UST: variants seen among roughly 807,000 people sequenced by gnomAD.
UST encodes the protein chondroitin sulfate 2-O-sulfotransferase.
UST carries 21 observed loss-of-function variants against 45.6 expected under a neutral mutation model. That is an observed-to-expected ratio of 0.46 (90% CI 0.33 to 0.66). The LOEUF (loss-of-function observed/expected upper bound fraction) is 0.66. UST is among the 30% of genes least tolerant of loss of function. The pLI is 0.02. For synonymous variants in UST, 215 were observed against 200.6 expected, an observed-to-expected ratio of 1.07 and a Z score of -0.61; for missense variants, 463 against 512.4, an observed-to-expected ratio of 0.90 and a Z score of 0.93.
chr6:149,006,846 ACTGAT>A (rs763157085), intron 5 of UST, among the ~76,000 whole-genome samples: 2 of 152,118 alleles, frequency 1.3e-5, no homozygotes, highest in Non-Finnish European at 2.9e-5. Context: ...TAAATATTGA[ACTGAT>A]CTTCCATTTT....
chr6:148,818,980 T>C (rs949840123), intron 1 of UST, among the ~76,000 whole-genome samples: 8 of 152,150 alleles, frequency 5.3e-5, no homozygotes, highest in African/African-American at 1.9e-4. Flanking sequence ...TGGGTTCTTA[T>C]GTAATGTAAG....
chr6:149,029,632 G>T (rs1185384766), intron 7 of UST, among the ~76,000 whole-genome samples: 1 of 151,508 alleles, frequency 6.6e-6, no homozygotes, highest in East Asian at 1.9e-4. Flanking sequence ...CTTCTGTGCT[G>T]CAGCAAAACT....
rs370525461 is a variant in UST, at chr6:148,747,554, C to A, written c.124C>A (p.Arg42Ser). 5 of 1,570,572 alleles carry A rather than the reference C, an allele frequency of 3.2e-6. No individual in the cohort carries two copies. Among genetic ancestry groups the A allele is most frequent in the Non-Finnish European group, 3.4e-6 (4 of 1,160,046 alleles). ...KRRVPLLPFL[R>S]FSLRDYGFCM... ...TCGGGTGCCCCTGCTGCCTTTCCTG[C>A]GCTTCTCCCTCCGGGACTACGGCTT... Residue 42 changes from arginine to serine, a missense_variant, in exon 1 of 8, where the codon CGC (arginine) becomes AGC (serine). This residue lies in a region of UST where 176 missense variants were observed against 138.3 expected (regional missense o/e 1.27). Transcript: ENST00000367463.
At chr6:148,987,948 T>A (rs984764198) in intron 5 of UST, among the ~76,000 whole-genome samples, 1 of 152,032 alleles carries the variant, frequency 6.6e-6, no homozygotes, top group Non-Finnish European at 1.5e-5. Flanking sequence ...GAATATGGAC[T>A]ATGCTCTCGA....
intron 7 of UST, among the ~76,000 whole-genome samples, chr6:149,073,422 T>C (rs1776845076): frequency 6.6e-6 from 1 of 152,258 alleles, no homozygotes; most frequent in African/African-American, 2.4e-5. Context: ...ATTTTAAAAC[T>C]TACAAAACAA....
At chr6:148,865,931 C>T (rs957385889) in intron 1 of UST, among the ~76,000 whole-genome samples, 3 of 151,862 alleles carry the variant, frequency 2.0e-5, no homozygotes, top group Non-Finnish European at 4.4e-5. Context: ...AAGCATGCTT[C>T]GTTAGACAAT....
At chr6:149,067,297 T>C (rs146582240) in intron 7 of UST, among the ~76,000 whole-genome samples, 1 of 152,306 alleles carries the variant, frequency 6.6e-6, no homozygotes, top group African/African-American at 2.4e-5. Context: ...TTTGTTCCTC[T>C]TTGGCAGGTC....
rs571269276 is a variant in UST, at chr6:148,938,267, G to A, written c.292-3012G>A. Reference sequence around the variant, plus strand: ...TTCAGTGTCTGTTTAGGCTCTTTATGTACAAAGCACATTCTAGGCACTGTG... The same window carrying A: ...TTCAGTGTCTGTTTAGGCTCTTTATATACAAAGCACATTCTAGGCACTGTG... On this transcript the variant is annotated intron_variant, in intron 2 of 7. Coordinates refer to ENST00000367463, the MANE Select transcript of UST (RefSeq NM_005715.3). Among the ~76,000 whole-genome samples, 7 of 152,216 alleles carry A rather than the reference G, an allele frequency of 4.6e-5. No homozygotes were observed. The East Asian group carries it at 1.2e-3, about 25-fold the overall frequency.
chr6:148,908,417 C>G (rs773243472), intron 2 of UST, among the ~76,000 whole-genome samples: 1 of 152,122 alleles, frequency 6.6e-6, no homozygotes, highest in Non-Finnish European at 1.5e-5. Context: ...AGTACATTAG[C>G]GAAGTCACCA....
chr6:148,872,071 A>G (rs181703306), intron 1 of UST, among the ~76,000 whole-genome samples: 101 of 152,290 alleles, frequency 6.6e-4, no homozygotes, highest in African/African-American at 2.2e-3. Flanking sequence ...ATGCACGTGC[A>G]TGTCGCGGGT....
chr6:149,076,929 T>C lies in UST; in HGVS notation c.*2813T>C, dbSNP rs531572711. On this transcript the variant is annotated 3_prime_UTR_variant, in exon 8 of 8. Transcript: ENST00000367463. ...AAATGGTGTTTGACGTTGATGGAAA[T>C]TCAAAAATATATATGGAACTGAAAC... is the stretch of plus-strand genomic sequence containing the variant. 1.1e-4 allele frequency: 17 copies of C among 152,456 alleles called. 1 individual carries two copies. Among genetic ancestry groups the C allele is most frequent in the African/African-American group, 4.1e-4 (17 of 41,502 alleles). The allele number at this position is 152,456 out of a possible 1,614,324, so 9.4% of individuals were successfully genotyped here.
intron 1 of UST, among the ~76,000 whole-genome samples, chr6:148,752,150 C>CA (rs1562556549): frequency 1.3e-5 from 2 of 152,006 alleles, no homozygotes; most frequent in Non-Finnish European, 2.9e-5. Flanking sequence ...AATTTAGAGT[C>CA]AAAAAATGAA....
chr6:148,819,689 G>A (rs1427894610), intron 1 of UST, among the ~76,000 whole-genome samples: 1 of 152,116 alleles, frequency 6.6e-6, no homozygotes, highest in African/African-American at 2.4e-5. Flanking sequence ...ATTATTTTGT[G>A]TATGTATCAC....
intron 3 of UST, among the ~76,000 whole-genome samples, chr6:148,947,716 T>C (rs1780274672): frequency 6.6e-6 from 1 of 152,144 alleles, no homozygotes; most frequent in Non-Finnish European, 1.5e-5. Context: ...AAGCCTCGCT[T>C]AGAATGACCG....
chr6:148,757,452 A>T (rs1452381778), intron 1 of UST, among the ~76,000 whole-genome samples: 1 of 152,240 alleles, frequency 6.6e-6, no homozygotes, highest in African/African-American at 2.4e-5. Context: ...ACTTTAAGTC[A>T]TGAAGGAGAT....
chr6:148,792,395 T>C (rs1562259506), intron 1 of UST, among the ~76,000 whole-genome samples: 1 of 152,162 alleles, frequency 6.6e-6, no homozygotes, highest in Non-Finnish European at 1.5e-5. Flanking sequence ...ACCAAGCCCC[T>C]CAGTGCTCAG....
At chr6:148,770,558 A>G (rs17645564) in intron 1 of UST, among the ~76,000 whole-genome samples, 17,946 of 152,060 alleles carry the variant, frequency 0.12, 1,130 homozygotes, top group African/African-American at 0.13. Context: ...ACAGAGTGAG[A>G]GCAGATTTCT....
intron 4 of UST, among the ~76,000 whole-genome samples, chr6:148,962,200 A>G (rs564534995): frequency 6.6e-6 from 1 of 152,386 alleles, no homozygotes; most frequent in South Asian, 2.1e-4. Flanking sequence ...ATTATTCTGG[A>G]AGTCTTGCAT....
At chr6:149,014,403 G>A (rs1235243036) in intron 5 of UST, among the ~76,000 whole-genome samples, 1 of 152,190 alleles carries the variant, frequency 6.6e-6, no homozygotes, top group Non-Finnish European at 1.5e-5. Context: ...CTAGAACTAG[G>A]TTAGAGTGCC....
Sources: gnomAD v4.1 joint callset for allele counts (sites outside exome capture counted in the v4.1 genomes callset) on GRCh38, gnomAD v4.1.1 for gene constraint, gnomAD v4.1.1 regional missense constraint, MANE v1.5 for transcripts, NCBI Gene and HGNC (gene_info 2026-07-23, HGNC 2026-07-21) for gene names.